The following PPP2R5A variants were observed in gnomAD, a reference collection of about 807,000 sequenced individuals.
PPP2R5A encodes the protein serine/threonine-protein phosphatase 2A 56 kDa regulatory subunit alpha isoform.
A neutral mutation model predicts 64.2 loss-of-function variants in PPP2R5A; 25 were observed. The observed-to-expected ratio is 0.39, with a 90% CI of 0.28 to 0.54. PPP2R5A has a LOEUF of 0.54. Among genes scored for constraint, PPP2R5A ranks in the 20% least tolerant of loss-of-function variants. The pLI is 0.67. For synonymous variants in PPP2R5A, 198 were observed against 201.2 expected, an observed-to-expected ratio of 0.98 and a Z score of 0.13; for missense variants, 425 against 576.3, an observed-to-expected ratio of 0.74 and a Z score of 2.69.
rs753723251 is a variant in PPP2R5A at position 212,305,437 on chromosome 1, A to G, written c.181+19146A>G. Among the ~76,000 whole-genome samples, 6 of 151,994 alleles carry G rather than the reference A, an allele frequency of 3.9e-5. No individual in the cohort carries two copies. The South Asian group carries it at 6.2e-4, about 16-fold the overall frequency. On this transcript the variant is annotated intron_variant, in intron 1 of 12. Coordinates refer to ENST00000261461, the MANE Select transcript of PPP2R5A (RefSeq NM_006243.4). ...TTTGAGGTTTGTTTTATTATCTGGT[A>G]TGTGGTCTGGTCTTTCCTGGTGGAT...
At chr1:212,302,456 G>C (rs1266536425) in intron 1 of PPP2R5A, among the ~76,000 whole-genome samples, 2 of 152,132 alleles carry the variant, frequency 1.3e-5, no homozygotes, top group Non-Finnish European at 2.9e-5. Flanking sequence ...ATACACATTG[G>C]TGGTGGAATG....
At chr1:212,315,127 GA>G (rs1659122034) in intron 1 of PPP2R5A, among the ~76,000 whole-genome samples, 1 of 152,166 alleles carries the variant, frequency 6.6e-6, no homozygotes. Flanking sequence ...TTTCCTATGG[GA>G]ACACATAATC....
At chr1:212,292,935 A>G (rs553237518) in intron 1 of PPP2R5A, among the ~76,000 whole-genome samples, 2 of 152,290 alleles carry the variant, frequency 1.3e-5, no homozygotes, top group Admixed American at 6.5e-5. Flanking sequence ...TCCAAGGGAG[A>G]GAATACAATC....
At chr1:212,299,534 T>A (rs1186555960) in intron 1 of PPP2R5A, 3 of 152,212 alleles carry the variant, frequency 2.0e-5, no homozygotes, top group African/African-American at 7.2e-5. Flanking sequence ...TTTCTCAATT[T>A]GATAGAGGAA....
At chr1:212,348,644 TTAAAG>T in intron 7 of PPP2R5A, 147 bp downstream of exon 7, 1 of 611,600 alleles carries the variant, frequency 1.6e-6, no homozygotes. Context: ...TTTTCTTATT[TTAAAG>T]TATTTAGTTG....
In PPP2R5A at chr1:212,361,181, G is replaced by GA. The variant is rs1349393340; in HGVS notation, c.*417dup. ...GCTGCAAACCTTAGTTACATCCTAG[G>GA]AAAAAATACTTCCTAAAATAAAACT... On this transcript the variant is annotated 3_prime_UTR_variant, in exon 13 of 13. Transcript: ENST00000261461. The GA allele has an allele frequency of 2.6e-5, 4 of 152,918 alleles. No individual in the cohort carries two copies. Among genetic ancestry groups the GA allele is most frequent in the African/African-American group, 9.7e-5 (4 of 41,378 alleles). 9.5% of individuals were successfully genotyped at this position (152,918 alleles called of 1,614,324 possible).
chr1:212,338,022 C>A (rs1334454834), intron 3 of PPP2R5A, among the ~76,000 whole-genome samples: 1 of 152,136 alleles, frequency 6.6e-6, no homozygotes, highest in Non-Finnish European at 1.5e-5. Flanking sequence ...TGAAAGCAGC[C>A]TCTTAGGTAC....
chr1:212,348,610 C>G (rs1175925580), intron 7 of PPP2R5A, 113 bp downstream of exon 7: 4 of 816,176 alleles, frequency 4.9e-6, no homozygotes, highest in East Asian at 2.9e-5. Context: ...AAGCAATTTG[C>G]TTACAAAATT....
chr1:212,322,366 T>C (rs1205706193), intron 1 of PPP2R5A, among the ~76,000 whole-genome samples: 1 of 152,172 alleles, frequency 6.6e-6, no homozygotes, highest in African/African-American at 2.4e-5. Context: ...TCAACCTATT[T>C]ATATTTTCTG....
chr1:212,289,356 A>G (rs78799749), intron 1 of PPP2R5A, among the ~76,000 whole-genome samples: 1,903 of 152,320 alleles, frequency 0.012, 41 homozygotes, highest in African/African-American at 0.042. Flanking sequence ...TTTTACAAAC[A>G]TCCTATTCAT....
intron 1 of PPP2R5A, among the ~76,000 whole-genome samples, chr1:212,295,462 G>A (rs1277307984): frequency 6.6e-6 from 1 of 152,212 alleles, no homozygotes; most frequent in African/African-American, 2.4e-5. Flanking sequence ...ATTTGGATAT[G>A]GAGCAATGTG....
chr1:212,349,863 A>G (rs1659845462), intron 8 of PPP2R5A, among the ~76,000 whole-genome samples: 1 of 152,246 alleles, frequency 6.6e-6, no homozygotes, highest in Non-Finnish European at 1.5e-5. Flanking sequence ...AAGAAAAACA[A>G]AAGATGAAGT....
intron 1 of PPP2R5A, among the ~76,000 whole-genome samples, chr1:212,319,766 G>A (rs1659230923): frequency 6.6e-6 from 1 of 151,434 alleles, no homozygotes; most frequent in South Asian, 2.1e-4. Flanking sequence ...GATTACAGGT[G>A]TGCGCCACTA....
chr1:212,313,886 C>T (rs547641970), intron 1 of PPP2R5A: 12 of 152,168 alleles, frequency 7.9e-5, no homozygotes, highest in Admixed American at 2.6e-4. Flanking sequence ...TTTTTCCAGA[C>T]GCATTTTTAA....
intron 1 of PPP2R5A, among the ~76,000 whole-genome samples, chr1:212,295,185 A>G (rs1197269226): frequency 1.3e-5 from 2 of 152,270 alleles, no homozygotes; most frequent in African/African-American, 4.8e-5. Context: ...AGTGAGTAAC[A>G]CTAGTGAGGA....
intron 1 of PPP2R5A, among the ~76,000 whole-genome samples, chr1:212,320,837 C>T (rs1305869035): frequency 2.7e-3 from 344 of 127,070 alleles, no homozygotes; most frequent in Non-Finnish European, 4.1e-3. Context: ...CCCTCCTGGA[C>T]GGGGCGGCTG....
Position 212,333,460 on chromosome 1 carries a change from A to G in PPP2R5A, c.379-37A>G, listed in dbSNP as rs765027339. ...TTTGAATTGTCCAATTCAATTACAC[A>G]TACAACAACGAACGTAAAATTATTT... On this transcript the variant is annotated intron_variant, in intron 2 of 12. Coordinates refer to ENST00000261461, the MANE Select transcript of PPP2R5A (RefSeq NM_006243.4). 8.2e-6 allele frequency: 11 copies of G among 1,334,432 alleles called. No homozygotes were observed. In the East Asian group the frequency reaches 2.5e-4, roughly 30 times the overall value. 82.7% of individuals were successfully genotyped at this position (1,334,432 alleles called of 1,614,324 possible). A position where few individuals can be genotyped will look rare whatever the true frequency, so the allele number is the denominator to read the frequency against.
chr1:212,338,467 A>G (rs1214940445), intron 3 of PPP2R5A, among the ~76,000 whole-genome samples: 1 of 152,140 alleles, frequency 6.6e-6, no homozygotes, highest in Non-Finnish European at 1.5e-5. Context: ...AGACCATAGA[A>G]GGCTGGGCGC....
At chr1:212,357,838 C>T (rs1660009457) in intron 11 of PPP2R5A, 1 of 150,828 alleles carries the variant, frequency 6.6e-6, no homozygotes. Flanking sequence ...GCTCTGTTGC[C>T]CAGACTGGAG....
Sources: gnomAD v4.1 joint callset for allele counts (sites outside exome capture counted in the v4.1 genomes callset) on GRCh38, gnomAD v4.1.1 for gene constraint, MANE v1.5 for transcripts, NCBI Gene and HGNC (gene_info 2026-07-23, HGNC 2026-07-21) for gene names.